Variants in RBMS2 observed in about 807,000 individuals in gnomAD.
RBMS2 encodes RNA binding motif single stranded interacting protein 2.
RBMS2 carries 38 observed loss-of-function variants against 58.4 expected under a neutral mutation model. The observed-to-expected ratio is 0.65, with a 90% confidence interval of 0.50 to 0.85. RBMS2 has a LOEUF of 0.85. Ranked by LOEUF, RBMS2 falls within the 40% of genes least tolerant of loss-of-function variation. RBMS2 has a pLI of 0.00. For missense variants in RBMS2, 367 were observed against 503.7 expected (o/e 0.73, Z 2.60); for synonymous variants, 151 against 180.7 (o/e 0.84, Z 1.32).
At chr12:56,560,475 A>AC (rs1486567640) in intron 1 of RBMS2, among the ~76,000 whole-genome samples, 1 of 151,580 alleles carries the variant, frequency 6.6e-6, no homozygotes, top group Non-Finnish European at 1.5e-5. Context: ...GCTGATCTTG[A>AC]ACTCCTGAGC....
intron 1 of RBMS2, among the ~76,000 whole-genome samples, chr12:56,553,476 C>T (rs1432151367): frequency 6.6e-6 from 1 of 151,934 alleles, no homozygotes; most frequent in African/African-American, 2.4e-5. Context: ...TATAGGCGCA[C>T]ACCACCAAGT....
Position 56,568,640 on chromosome 12 carries a change from A to G in RBMS2, c.234-335A>G, listed in dbSNP as rs1177315055. ...CAACCTCCACCTCACAGGTTCAAGC[A>G]ATTCTCCTACCTCAGCCTCCCAAGT... On this transcript the variant is annotated intron_variant, in intron 2 of 13. Transcript: ENST00000262031. 4.0e-5 allele frequency among the ~76,000 whole-genome samples: 6 copies of G among 150,760 alleles called. No homozygotes were observed. The Admixed American group carries it at 4.0e-4, about 10-fold the overall frequency.
At chr12:56,574,886 C>A (rs910885869) in intron 5 of RBMS2, among the ~76,000 whole-genome samples, 1 of 152,184 alleles carries the variant, frequency 6.6e-6, no homozygotes, top group African/African-American at 2.4e-5. Context: ...CCGTGACTCA[C>A]GCCTATAATC....
intron 1 of RBMS2, among the ~76,000 whole-genome samples, chr12:56,530,434 C>T (rs765345536): frequency 1.4e-4 from 17 of 125,128 alleles, no homozygotes; most frequent in Non-Finnish European, 2.0e-4. Context: ...AATCATGGTT[C>T]ACTGTAGCCT....
At chr12:56,525,484 C>T (rs1351047189) in intron 1 of RBMS2, among the ~76,000 whole-genome samples, 2 of 151,666 alleles carry the variant, frequency 1.3e-5, no homozygotes, top group African/African-American at 4.8e-5. Context: ...GGGTTCCCAA[C>T]GTGCTGGGAT....
intron 1 of RBMS2, among the ~76,000 whole-genome samples, chr12:56,545,913 CAT>C (rs1209290491): frequency 6.7e-6 from 1 of 148,422 alleles, no homozygotes; most frequent in Non-Finnish European, 1.5e-5. Context: ...TTTGTGTAAG[CAT>C]ATGTTTTCTT....
At chr12:56,541,641 T>G (rs1876114783) in intron 1 of RBMS2, among the ~76,000 whole-genome samples, 1 of 152,228 alleles carries the variant, frequency 6.6e-6, no homozygotes, top group Non-Finnish European at 1.5e-5. Context: ...GTTCTAATAC[T>G]GAATCCAGAA....
intron 5 of RBMS2, among the ~76,000 whole-genome samples, chr12:56,574,877 C>T (rs1300485030): frequency 2.0e-5 from 3 of 152,064 alleles, no homozygotes; most frequent in African/African-American, 7.2e-5. Flanking sequence ...GGCCGGACTC[C>T]GTGACTCACG....
chr12:56,528,903 G>A (rs1004369270), intron 1 of RBMS2, among the ~76,000 whole-genome samples: 3 of 151,848 alleles, frequency 2.0e-5, no homozygotes, highest in Non-Finnish European at 2.9e-5. Flanking sequence ...TTCATTCTGG[G>A]TGACAGAGCA....
rs1417866786 is a variant in RBMS2, at chr12:56,591,101, T to G, written c.*1968T>G. ...AAATCCTGCTCTTGTCTTCTCCCAG[T>G]CACTCCCTTATGCACTGAAAGGAGA... On this transcript the variant is annotated 3_prime_UTR_variant, in exon 14 of 14. Coordinates refer to ENST00000262031, the MANE Select transcript of RBMS2 (RefSeq NM_002898.4). The G allele has an allele frequency of 6.6e-6, 1 of 152,228 alleles. No individual in the cohort carries two copies. Among genetic ancestry groups the G allele is most frequent in the Non-Finnish European group, 1.5e-5 (1 of 68,074 alleles). 9.4% of individuals were successfully genotyped at this position (152,228 alleles called of 1,614,324 possible). A position where few individuals can be genotyped will look rare whatever the true frequency, so the allele number is the denominator to read the frequency against.
intron 2 of RBMS2, among the ~76,000 whole-genome samples, chr12:56,568,584 T>C (rs907473595): frequency 4.0e-5 from 6 of 151,374 alleles, no homozygotes; most frequent in African/African-American, 1.5e-4. Context: ...TCATCCAATC[T>C]GGAATGCAGT....
At chr12:56,530,680 G>C (rs992707839) in intron 1 of RBMS2, among the ~76,000 whole-genome samples, 1 of 152,112 alleles carries the variant, frequency 6.6e-6, no homozygotes, top group Non-Finnish European at 1.5e-5. Context: ...TCTTAAAGAT[G>C]GGAGATGTAG....
At chr12:56,588,679 C>T in intron 12 of RBMS2, 1 of 590,748 alleles carries the variant, frequency 1.7e-6, no homozygotes, top group Non-Finnish European at 3.0e-6. Context: ...ATGAATGAGG[C>T]CCTTCCTTAC....
intron 4 of RBMS2, 131 bp from the exon 5 acceptor site, chr12:56,571,567 A>G: frequency 9.7e-7 from 1 of 1,031,632 alleles, no homozygotes; most frequent in Non-Finnish European, 1.3e-6. Flanking sequence ...GGGTGTTAAC[A>G]AATAGAATAA....
chr12:56,557,741 C>CTTTTT (rs529458824), intron 1 of RBMS2, among the ~76,000 whole-genome samples: 3 of 141,338 alleles, frequency 2.1e-5, no homozygotes, highest in Non-Finnish European at 3.1e-5. Context: ...CTTTTCTTTT[C>CTTTTT]TTTTTTTTTT....
chr12:56,546,312 C>T (rs1378020553), intron 1 of RBMS2, among the ~76,000 whole-genome samples: 1 of 144,722 alleles, frequency 6.9e-6, no homozygotes, highest in Non-Finnish European at 1.5e-5. Flanking sequence ...TAAAATAATA[C>T]ATTATAAAAA....
At chr12:56,539,241 T>C (rs1191676761) in intron 1 of RBMS2, among the ~76,000 whole-genome samples, 1 of 152,126 alleles carries the variant, frequency 6.6e-6, no homozygotes, top group Admixed American at 6.5e-5. Flanking sequence ...GGTCTGGAAC[T>C]CCTGAACTCA....
At position 56,551,685 on chromosome 12, in the gene RBMS2, G is replaced by C. The variant is rs564049458; in HGVS notation, c.67-10732G>C. Among the ~76,000 whole-genome samples the C allele has an allele frequency of 2.6e-5, 4 of 152,220 alleles. No individual in the cohort carries two copies. The South Asian group carries it at 8.3e-4, about 32-fold the overall frequency. ...TTAGAAATAAGGGAGTTCAGGAAAA[G>C]GTACAGAAATTAATTTTAGACTTGC... On this transcript the variant is annotated intron_variant, in intron 1 of 13. Transcript: ENST00000262031.
intron 1 of RBMS2, among the ~76,000 whole-genome samples, chr12:56,524,311 G>A (rs990917553): frequency 3.3e-5 from 5 of 152,124 alleles, no homozygotes; most frequent in Non-Finnish European, 7.3e-5. Flanking sequence ...TCAATGTTAT[G>A]ATCAGATGTA....
Sources: gnomAD v4.1 joint callset for allele counts (sites outside exome capture counted in the v4.1 genomes callset) on GRCh38, gnomAD v4.1.1 for gene constraint, MANE v1.5 for transcripts, NCBI Gene and HGNC (gene_info 2026-07-23, HGNC 2026-07-21) for gene names.